The following ZNF75D variants were observed in gnomAD, a reference collection of about 807,000 sequenced individuals.
ZNF75D encodes zinc finger protein 75.
In ZNF75D, 33 loss-of-function variants were observed where a neutral mutation model predicts 33.3. The ratio of observed to expected loss-of-function variants is 0.99; its 90% CI spans 0.75 to 1.32. ZNF75D has a LOEUF of 1.32. ZNF75D is among the 40% of genes most tolerant of loss of function. ZNF75D has a pLI of 0.00. For synonymous variants in ZNF75D, 113 were observed against 130.6 expected (o/e 0.87, Z 0.92); for missense variants, 338 against 367.5 (o/e 0.92, Z 0.66).
chrX:135,298,449 G>A (rs962263048), intron 1 of ZNF75D: 3 of 110,892 alleles, frequency 2.7e-5, no homozygotes, highest in South Asian at 3.9e-4. Flanking sequence ...GATGCAACAA[G>A]TATTAATCAA....
At chrX:135,322,344 C>T (rs1341714873) in intron 1 of ZNF75D, among the ~76,000 whole-genome samples, 2 of 111,792 alleles carry the variant, frequency 1.8e-5, no homozygotes, top group Non-Finnish European at 3.8e-5. Flanking sequence ...AGAGCAGCAA[C>T]AGAAAACTAA....
intron 1 of ZNF75D, among the ~76,000 whole-genome samples, chrX:135,318,750 C>A (rs2084457799): frequency 9.0e-6 from 1 of 111,429 alleles, no homozygotes; most frequent in African/African-American, 3.3e-5. Context: ...TACCAAAAAA[C>A]TAGCCTAAGG....
chrX:135,296,262 T>C (rs2084129130), intron 1 of ZNF75D, among the ~76,000 whole-genome samples: 1 of 111,434 alleles, frequency 9.0e-6, no homozygotes, highest in Non-Finnish European at 1.9e-5. Flanking sequence ...GCTGGAAGCC[T>C]AGAGGAGCCC....
At chrX:135,339,080 C>A (rs2084752129) in intron 1 of ZNF75D, among the ~76,000 whole-genome samples, 1 of 110,532 alleles carries the variant, frequency 9.0e-6, no homozygotes, top group Non-Finnish European at 1.9e-5. Context: ...TCTTCCTCCC[C>A]AAGAAATTGT....
intron 1 of ZNF75D, among the ~76,000 whole-genome samples, chrX:135,336,729 A>G (rs2084716872): frequency 1.8e-5 from 2 of 111,818 alleles, no homozygotes; most frequent in Admixed American, 9.4e-5. Context: ...TCTTCAAGAC[A>G]CCTTTCTCCA....
intron 1 of ZNF75D, among the ~76,000 whole-genome samples, chrX:135,301,222 T>C (rs2084214361): frequency 9.0e-6 from 1 of 111,709 alleles, no homozygotes; most frequent in Non-Finnish European, 1.9e-5. Flanking sequence ...ACCATCTCCA[T>C]GATCCAATCG....
chrX:135,313,044 T>C (rs943281121), intron 1 of ZNF75D, among the ~76,000 whole-genome samples: 14 of 112,049 alleles, frequency 1.2e-4, no homozygotes, highest in Non-Finnish European at 2.3e-4. Context: ...GTCTGTGCTT[T>C]TGAAGCCTTA....
downstream of ZNF75D, among the ~76,000 whole-genome samples, chrX:135,283,171 C>A (rs184063207): frequency 5.7e-3 from 637 of 111,734 alleles, 6 homozygotes; most frequent in African/African-American, 0.02. Context: ...GTGATATTAT[C>A]CCTCTACTGC....
intron 1 of ZNF75D, among the ~76,000 whole-genome samples, chrX:135,337,536 C>T (rs2084728498): frequency 9.0e-6 from 1 of 111,712 alleles, no homozygotes; most frequent in Admixed American, 9.5e-5. Context: ...TCTCTACATA[C>T]CTACCCATTT....
chrX:135,310,331 T>C (rs919397850), intron 1 of ZNF75D, among the ~76,000 whole-genome samples: 4 of 111,487 alleles, frequency 3.6e-5, no homozygotes, highest in African/African-American at 9.8e-5. Flanking sequence ...ATGGTTCCCA[T>C]TGAAAAACCT....
chrX:135,317,579 C>T (rs1368345964), intron 1 of ZNF75D, among the ~76,000 whole-genome samples: 1 of 111,036 alleles, frequency 9.0e-6, no homozygotes, highest in East Asian at 2.8e-4. Context: ...CTCTGCTTCC[C>T]AAGTGGTTCA....
chrX:135,306,763 G>A (rs1207217192), intron 1 of ZNF75D, among the ~76,000 whole-genome samples: 1 of 112,607 alleles, frequency 8.9e-6, no homozygotes, highest in Non-Finnish European at 1.9e-5. Context: ...TTTTCCTTGT[G>A]TTTGTCCTCA....
chrX:135,339,358 G>A (rs1408043171), intron 1 of ZNF75D, among the ~76,000 whole-genome samples: 1 of 111,642 alleles, frequency 9.0e-6, no homozygotes, highest in African/African-American at 3.3e-5. Context: ...TCTCTTTCTG[G>A]GCCTGCAGCT....
At chrX:135,322,483 G>C (rs1556434973) in intron 1 of ZNF75D, among the ~76,000 whole-genome samples, 1 of 112,063 alleles carries the variant, frequency 8.9e-6, no homozygotes, top group East Asian at 2.8e-4. Context: ...ATACAAGGGA[G>C]ATAATTACCA....
At chrX:135,303,297 GC>G in intron 1 of ZNF75D, among the ~76,000 whole-genome samples, 1 of 110,735 alleles carries the variant, frequency 9.0e-6, no homozygotes, top group Non-Finnish European at 1.9e-5. Flanking sequence ...TGGGTGTCGG[GC>G]TGGGGGACGG....
rs2084087331 is a variant in ZNF75D, at chrX:135,294,010, C to T, written c.131G>A (p.Gly44Asp). Residue 44 changes from glycine to aspartate, a missense_variant, in exon 3 of 7, where the codon GGT becomes GAT. Physicochemically the swap from Gly to Asp is moderately conservative, Grantham distance 94. Coordinates refer to ENST00000370766, the MANE Select transcript of ZNF75D (RefSeq NM_007131.5). ...KKYSTKIENL[G>D]PESACRHFWS... ...GAAGTGCCTGCAAGCGCTCTCAGGA[C>T]CAAGATTCTCTATTTTTGTGCTGTA... 1 of 1,211,877 alleles carries T rather than the reference C, an allele frequency of 8.3e-7. No homozygotes were observed. Among genetic ancestry groups the T allele is most frequent in the East Asian group, 3.0e-5 (1 of 33,834 alleles).
rs374175771 is a variant in ZNF75D at position 135,267,206 on chromosome X, C to T, written n.828-11429G>A. On this transcript the variant is annotated intron_variant and non_coding_transcript_variant, in intron 1 of 3. Transcript: ENST00000494295. ...TAACCTAATGATGCATCTTAAAGAA[C>T]TAGAAAAGCAAGAGCAAACTGAACC... is the stretch of plus-strand genomic sequence containing the variant. 5.4e-5 allele frequency among the ~76,000 whole-genome samples: 6 copies of T among 111,245 alleles called. No homozygotes were observed. The South Asian group carries it at 1.1e-3, about 21-fold the overall frequency.
At chrX:135,278,066 T>C (rs1210114275) in intron 1 of ZNF75D, among the ~76,000 whole-genome samples, 1 of 112,069 alleles carries the variant, frequency 8.9e-6, no homozygotes, top group African/African-American at 3.2e-5. Context: ...ACTGAATCTA[T>C]AAATTACTTT....
At chrX:135,302,882 C>T (rs2084237052) in intron 1 of ZNF75D, among the ~76,000 whole-genome samples, 2 of 109,017 alleles carry the variant, frequency 1.8e-5, no homozygotes, top group African/African-American at 6.7e-5. Flanking sequence ...CGGAGGATCC[C>T]GCCGGCCTCT....
Sources: allele counts gnomAD v4.1 joint callset (sites outside exome capture counted in the v4.1 genomes callset), GRCh38; gene constraint gnomAD v4.1.1; transcripts MANE v1.5; gene names NCBI Gene and HGNC (gene_info 2026-07-23, HGNC 2026-07-21).